The following HIPK2 variants were observed in gnomAD, a reference collection of about 807,000 sequenced individuals.
HIPK2 encodes homeodomain-interacting protein kinase 2.
HIPK2 carries 27 observed loss-of-function variants against 113.7 expected under a neutral mutation model. The ratio of observed to expected loss-of-function variants is 0.24; its 90% CI spans 0.17 to 0.33. HIPK2 has a LOEUF of 0.33. HIPK2 is among the 10% of genes least tolerant of loss of function. The pLI is 1.00. For missense variants in HIPK2, 1,257 were observed against 1,588.0 expected, an observed-to-expected ratio of 0.79 and a Z score of 3.54; for synonymous variants, 631 against 642.2, an observed-to-expected ratio of 0.98 and a Z score of 0.26.
intron 2 of HIPK2, among the ~76,000 whole-genome samples, chr7:139,644,013 C>T (rs966674783): frequency 2.0e-5 from 3 of 152,200 alleles, no homozygotes; most frequent in African/African-American, 7.2e-5. Flanking sequence ...CCAGGCCACG[C>T]TTTATGCTTG....
At chr7:139,618,002 TTAC>T (rs1404881357) in intron 7 of HIPK2, among the ~76,000 whole-genome samples, 1 of 152,210 alleles carries the variant, frequency 6.6e-6, no homozygotes, top group Non-Finnish European at 1.5e-5. Context: ...TACTTAAGAC[TTAC>T]TTATGCTGCT....
chr7:139,611,219 T>C (rs369563275), intron 9 of HIPK2, among the ~76,000 whole-genome samples: 1 of 152,244 alleles, frequency 6.6e-6, no homozygotes, highest in Admixed American at 6.5e-5. Context: ...TGGTGTAACC[T>C]TGTACTCAAA....
Position 139,670,750 on chromosome 7 carries a change from TCTTTCTTTC to T in HIPK2, c.1104-39034_1104-39026del, listed in dbSNP as rs375515987. 3.2e-3 allele frequency among the ~76,000 whole-genome samples: 271 copies of T among 83,504 alleles called. 15 individuals are homozygous for T. The highest frequency in any genetic ancestry group is 8.0e-3 in the African/African-American group (140 of 17,496). 54.8% of individuals were successfully genotyped at this position (83,504 alleles called of 152,430 possible). On this transcript the variant is annotated intron_variant, in intron 2 of 14. Coordinates refer to ENST00000406875, the MANE Select transcript of HIPK2 (RefSeq NM_022740.5). ...TTTTTCTTTTCTTTCTTTCTTTCTTTCTTTCTTTCTTTTTTTTTTTTTTTTTTTTTTGAG... is the reference window on the plus strand; with the variant it reads ...TTTTTCTTTTCTTTCTTTCTTTCTTTTTTTTTTTTTTTTTTTTTTTTTGAG...
intron 2 of HIPK2, among the ~76,000 whole-genome samples, chr7:139,684,327 T>C (rs138270740): frequency 6.6e-6 from 1 of 152,324 alleles, no homozygotes; most frequent in African/African-American, 2.4e-5. Context: ...AATCCTACAA[T>C]GACTTCTAAG....
chr7:139,633,764 G>T (rs1800704760), intron 2 of HIPK2, among the ~76,000 whole-genome samples: 1 of 152,006 alleles, frequency 6.6e-6, no homozygotes, highest in South Asian at 2.1e-4. Context: ...GGTCAACATG[G>T]TGAAACCCTG....
At chr7:139,624,993 C>T (rs1333730576) in intron 6 of HIPK2, among the ~76,000 whole-genome samples, 1 of 152,222 alleles carries the variant, frequency 6.6e-6, no homozygotes, top group Admixed American at 6.5e-5. Context: ...CCACCCTCCA[C>T]CTCGTTCTCA....
At chr7:139,720,016 T>C (rs1795361757) in intron 1 of HIPK2, among the ~76,000 whole-genome samples, 1 of 152,212 alleles carries the variant, frequency 6.6e-6, no homozygotes, top group African/African-American at 2.4e-5. Context: ...ACTCGATACA[T>C]TTACATGTTG....
Position 139,631,195 on chromosome 7 carries a change from C to T in HIPK2, c.1317G>A (p.Thr439=), listed in dbSNP as rs1168296103. 5 of 1,613,436 alleles carry T rather than the reference C, an allele frequency of 3.1e-6. No homozygotes were observed. Among genetic ancestry groups the T allele is most frequent in the Admixed American group, 3.3e-5 (2 of 59,972 alleles). Reference sequence around the variant, plus strand: ...GTCTCCACAAAGGATATGGTGAGTCCGTGTCACGGTTGAAAAACCTAGTTG... The same window carrying T: ...GTCTCCACAAAGGATATGGTGAGTCTGTGTCACGGTTGAAAAACCTAGTTG... ...TKTTRFFNRD[T]DSPYPLWRLK... is the part of the protein sequence containing the mutation. Residue 439 remains threonine (T), a synonymous_variant, in exon 4 of 15, where the codon ACG becomes ACA. Coordinates refer to ENST00000406875, the MANE Select transcript of HIPK2 (RefSeq NM_022740.5). This position sits in a 1 kb window ranked among gnomAD's most constrained non-coding sequence, Gnocchi z 4.9.
chr7:139,729,370 AGAGAGAGAGAGAG>A, intron 1 of HIPK2, among the ~76,000 whole-genome samples: 1 of 136,774 alleles, frequency 7.3e-6, no homozygotes, highest in African/African-American at 3.3e-5. Flanking sequence ...AGAGAGAGAG[AGAGAGAGAGAGAG>A]AATTGGGAGT....
chr7:139,599,111 A>C (rs748899214), intron 11 of HIPK2, among the ~76,000 whole-genome samples: 47 of 152,232 alleles, frequency 3.1e-4, no homozygotes, highest in Non-Finnish European at 5.4e-4. Flanking sequence ...TTTGTATACC[A>C]GATTTCTCTT....
intron 1 of HIPK2, among the ~76,000 whole-genome samples, chr7:139,722,725 A>G (rs1795451676): frequency 1.3e-5 from 2 of 152,092 alleles, no homozygotes; most frequent in East Asian, 1.9e-4. Flanking sequence ...GGCCAATTCA[A>G]TTATTCAGAG....
chr7:139,748,425 G>A (rs1179201278), intron 1 of HIPK2, among the ~76,000 whole-genome samples: 1 of 152,020 alleles, frequency 6.6e-6, no homozygotes, highest in Non-Finnish European at 1.5e-5. Flanking sequence ...AGTTCTGGAG[G>A]CCAGAAGTTC....
At chr7:139,579,796 T>G (rs900426099) in intron 13 of HIPK2, among the ~76,000 whole-genome samples, 5 of 151,980 alleles carry the variant, frequency 3.3e-5, no homozygotes, top group Non-Finnish European at 7.4e-5. Context: ...AGGCCGCAAA[T>G]CCAACCGTGC....
Position 139,573,213 on chromosome 7 carries a change from G to T in HIPK2, c.3311C>A (p.Thr1104Asn). Residue 1104 changes from threonine to asparagine, a missense_variant, in exon 15 of 15, where the codon ACC becomes AAC. Around this residue, in one of 5 missense-constraint regions of HIPK2, gnomAD observed 862 missense variants for 1,004.3 expected, o/e 0.86. Transcript: ENST00000406875. Reference protein sequence around the residue: ...AHLPTQPHLYTYTAPAALGST... With the variant: ...AHLPTQPHLYNYTAPAALGST... ...GCCCAGGGCCGCCGGCGCAGTGTAGGTGTAGAGGTGGGGCTGGGTGGGGAG... is the reference window on the plus strand; with the variant it reads ...GCCCAGGGCCGCCGGCGCAGTGTAGTTGTAGAGGTGGGGCTGGGTGGGGAG... The T allele has an allele frequency of 2.5e-6, 4 of 1,606,226 alleles. No individual in the cohort carries two copies. The highest frequency in any genetic ancestry group is 3.4e-6 in the Non-Finnish European group (4 of 1,179,472).
At chr7:139,579,577 C>A (rs1190242554) in intron 13 of HIPK2, among the ~76,000 whole-genome samples, 2 of 151,922 alleles carry the variant, frequency 1.3e-5, no homozygotes, top group African/African-American at 2.4e-5. Flanking sequence ...AGAAAGAATG[C>A]TGATTAATTG....
chr7:139,635,209 C>T (rs1415729362), intron 2 of HIPK2, among the ~76,000 whole-genome samples: 1 of 152,180 alleles, frequency 6.6e-6, no homozygotes, highest in East Asian at 1.9e-4. Context: ...TCTTGGCTGG[C>T]CCCTGCCCTC....
At chr7:139,662,630 T>C (rs1262450697) in intron 2 of HIPK2, among the ~76,000 whole-genome samples, 1 of 151,436 alleles carries the variant, frequency 6.6e-6, no homozygotes, top group African/African-American at 2.4e-5. Flanking sequence ...TTTTTTTTTT[T>C]TTTTTTTGAG....
intron 1 of HIPK2, among the ~76,000 whole-genome samples, chr7:139,764,750 C>G (rs1278291243): frequency 6.6e-6 from 1 of 152,144 alleles, no homozygotes; most frequent in Non-Finnish European, 1.5e-5. Flanking sequence ...GGTAGAATGA[C>G]AGCAGGGCCC....
At chr7:139,732,353 C>T (rs968587863) in intron 1 of HIPK2, among the ~76,000 whole-genome samples, 5 of 152,274 alleles carry the variant, frequency 3.3e-5, no homozygotes, top group Non-Finnish European at 7.4e-5. Flanking sequence ...CCAGTCCTGG[C>T]GTTATTACCC....
Sources: allele counts gnomAD v4.1 joint callset (sites outside exome capture counted in the v4.1 genomes callset), GRCh38; gene constraint gnomAD v4.1.1; regional missense constraint gnomAD v4.1.1; non-coding constraint Gnocchi (gnomAD v3.1); transcripts MANE v1.5; gene names NCBI Gene and HGNC (gene_info 2026-07-23, HGNC 2026-07-21).